The following RS1 variants were observed in gnomAD, a reference collection of about 807,000 sequenced individuals.
RS1 encodes the protein retinoschisin 1, also known as retinoschisin.
A neutral mutation model predicts 20.8 loss-of-function variants in RS1; 2 were observed. The ratio of observed to expected loss-of-function variants is 0.10; its 90% CI spans 0.04 to 0.30. RS1 has a LOEUF of 0.30. RS1 is among the 10% of genes least tolerant of loss of function. The pLI is 1.00. For synonymous variants in RS1, 70 were observed against 75.8 expected, an observed-to-expected ratio of 0.92 and a Z score of 0.40; for missense variants, 151 against 189.8, an observed-to-expected ratio of 0.80 and a Z score of 1.20.
chrX:18,668,434 G>A (rs774959069), intron 1 of RS1, among the ~76,000 whole-genome samples: 1 of 112,609 alleles, frequency 8.9e-6, no homozygotes, highest in East Asian at 2.8e-4. Flanking sequence ...CTTGGATTGG[G>A]TATCACCAAC....
chrX:18,645,612 C>T (rs903740816), intron 4 of RS1, among the ~76,000 whole-genome samples: 1 of 111,016 alleles, frequency 9.0e-6, no homozygotes, highest in African/African-American at 3.3e-5. Context: ...CGGTCTCCAC[C>T]GCCACCACTC....
At chrX:18,661,419 C>G (rs1326439026) in intron 1 of RS1, among the ~76,000 whole-genome samples, 1 of 111,645 alleles carries the variant, frequency 9.0e-6, no homozygotes, top group Non-Finnish European at 1.9e-5. Flanking sequence ...GAGGCCCCAG[C>G]AGGCGTGTGT....
intron 1 of RS1, among the ~76,000 whole-genome samples, chrX:18,658,780 T>TTCCTCA (rs763690305): frequency 9.6e-6 from 1 of 103,819 alleles, no homozygotes; most frequent in African/African-American, 3.5e-5. Flanking sequence ...TTATTAAATC[T>TTCCTCA]TCATCATCAT....
chrX:18,647,130 T>C lies in RS1; in HGVS notation c.326+61A>G. Reference sequence around the variant, plus strand: ...CGGGGTTTCACTGTGTTGGCCACGCTGGTAGAGAGGCCTATTTTTTTTTAA... The same window carrying C: ...CGGGGTTTCACTGTGTTGGCCACGCCGGTAGAGAGGCCTATTTTTTTTTAA... On this transcript the variant is annotated intron_variant, in intron 4 of 5. Transcript: ENST00000379984. The C allele has an allele frequency of 1.0e-5, 12 of 1,175,703 alleles. No individual in the cohort carries two copies. In the South Asian group the frequency reaches 2.1e-4, roughly 21 times the overall value.
In RS1 at chrX:18,672,022, T is replaced by C. The variant is rs1928498877; in HGVS notation, c.47A>G (p.Tyr16Cys). Residue 16 changes from tyrosine (Y) to cysteine (C), a missense_variant, in exon 1 of 6, where the codon TAT (tyrosine) becomes TGT (cysteine). Tyr to Cys is a radical substitution (Grantham distance 194). Transcript: ENST00000379984. Reference protein sequence around the residue: ...EGFLLLLLFGYEATLGLSSTE... With the variant: ...EGFLLLLLFGCEATLGLSSTE... ...AATGGTTGAATAGCACATACCTTCA[T>C]AGCCAAAGAGAAGTAATAACAAAAA... is the stretch of plus-strand genomic sequence containing the variant. 2 of 1,209,008 alleles carry C rather than the reference T, an allele frequency of 1.7e-6. No individual in the cohort carries two copies. Among genetic ancestry groups the C allele is most frequent in the Admixed American group, 2.2e-5 (1 of 45,999 alleles).
Position 18,656,680 on chromosome X carries a change from C to T in RS1, c.157G>A (p.Gly53Ser). 2.5e-6 allele frequency: 3 copies of T among 1,210,401 alleles called. No homozygotes were observed. Among genetic ancestry groups the T allele is most frequent in the Non-Finnish European group, 3.4e-6 (3 of 894,404 alleles). Residue 53 changes from glycine (G) to serine (S), a missense_variant, in exon 3 of 6, where the codon GGT becomes AGT. By Grantham distance (56) the Gly-to-Ser change is moderately conservative. Transcript: ENST00000379984. ...GGTATACAGTCCAAGGAGGTGGCAC[C>T]TGCAGACCACAGAGCATTGGGTCCT... Reference protein sequence around the residue: ...QGGPNALWSAGATSLDCIPEC... With the variant: ...QGGPNALWSASATSLDCIPEC...
At chrX:18,643,829 A>AATATATATATATATATATATATAT (rs755520723) in intron 5 of RS1, among the ~76,000 whole-genome samples, 33 of 105,884 alleles carry the variant, frequency 3.1e-4, no homozygotes, top group Middle Eastern at 4.9e-3. Flanking sequence ...ATTCATAGCA[A>AATATATATATATATATATATATAT]ATATATATAT....
chrX:18,645,802 T>G (rs187013927), intron 4 of RS1, among the ~76,000 whole-genome samples: 9 of 111,085 alleles, frequency 8.1e-5, no homozygotes, highest in Non-Finnish European at 1.3e-4. Flanking sequence ...CATCCTCATT[T>G]GGTAATAGAA....
intron 1 of RS1, among the ~76,000 whole-genome samples, chrX:18,663,705 G>T (rs1602322877): frequency 9.0e-6 from 1 of 110,997 alleles, no homozygotes; most frequent in Non-Finnish European, 1.9e-5. Flanking sequence ...TCTTCACACC[G>T]CAATGTTGGG....
At chrX:18,662,458 C>A (rs946180964) in intron 1 of RS1, among the ~76,000 whole-genome samples, 1 of 110,659 alleles carries the variant, frequency 9.0e-6, no homozygotes, top group Non-Finnish European at 1.9e-5. Context: ...CCCGCTCCCC[C>A]ACCCCACGAC....
Position 18,672,049 on chromosome X carries a change from C to T in RS1, c.20G>A (p.Gly7Asp), listed in dbSNP as rs1928499649. The T allele has an allele frequency of 8.3e-7, 1 of 1,208,956 alleles. No homozygotes were observed. Among genetic ancestry groups the T allele is most frequent in the African/African-American group, 1.8e-5 (1 of 56,979 alleles). Residue 7 changes from glycine to aspartate, a missense_variant, in exon 1 of 6, where the codon GGC becomes GAC. By Grantham distance (94) the Gly-to-Asp change is moderately conservative (BLOSUM62 -1). Transcript: ENST00000379984. ...GCCAAAGAGAAGTAATAACAAAAAG[C>T]CTTCTATCTTGCGTGACATCTTCCC... MSRKIE[G>D]FLLLLLFGYE...
intron 5 of RS1, among the ~76,000 whole-genome samples, chrX:18,643,344 C>A (rs965081896): frequency 2.7e-5 from 3 of 111,426 alleles, no homozygotes; most frequent in Non-Finnish European, 5.6e-5. Context: ...CTGCCATGTT[C>A]TTGCCTTTCT....
At chrX:18,647,414 C>A (rs1234938629) in intron 3 of RS1, 82 bp from the exon 4 acceptor site, 7 of 1,071,108 alleles carry the variant, frequency 6.5e-6, no homozygotes, top group Non-Finnish European at 9.1e-6. Context: ...AAAACAAACC[C>A]ATCTGCTTTG....
At chrX:18,655,986 C>CTTTT (rs56213978) in intron 3 of RS1, among the ~76,000 whole-genome samples, 59 of 50,820 alleles carry the variant, frequency 1.2e-3, no homozygotes, top group African/African-American at 3.6e-3. Flanking sequence ...TTTTCTTTTC[C>CTTTT]TTTTTTTTTT....
intron 2 of RS1, among the ~76,000 whole-genome samples, chrX:18,657,240 A>G (rs1359146351): frequency 0.018 from 258 of 14,591 alleles, 6 homozygotes; most frequent in African/African-American, 0.048. Flanking sequence ...TTTTTTTTTG[A>G]GACAGAGTCT....
At chrX:18,670,469 G>A (rs1928475346) in intron 1 of RS1, among the ~76,000 whole-genome samples, 1 of 110,307 alleles carries the variant, frequency 9.1e-6, no homozygotes. Context: ...TCAGGTGATA[G>A]ACCCGCCTCA....
chrX:18,665,051 C>T (rs1048818550), intron 1 of RS1, among the ~76,000 whole-genome samples: 4 of 111,990 alleles, frequency 3.6e-5, no homozygotes, highest in Admixed American at 9.4e-5. Context: ...TGAGTGGCTT[C>T]GCCATCCATC....
chrX:18,650,357 G>C (rs1927975404), intron 3 of RS1: 1 of 1,144,510 alleles, frequency 8.7e-7, no homozygotes, highest in Admixed American at 2.2e-5. Flanking sequence ...GGGAGCCGAT[G>C]CCTGCCTCCC....
chrX:18,670,527 G>A (rs756314070), intron 1 of RS1, among the ~76,000 whole-genome samples: 8 of 110,647 alleles, frequency 7.2e-5, no homozygotes, highest in East Asian at 2.8e-4. Context: ...GCGCCCCGCC[G>A]TCATACACAA....
Sources: gnomAD v4.1 joint callset for allele counts (sites outside exome capture counted in the v4.1 genomes callset) on GRCh38, gnomAD v4.1.1 for gene constraint, MANE v1.5 for transcripts, NCBI Gene and HGNC (gene_info 2026-07-23, HGNC 2026-07-21) for gene names.